The following GRXCR1 variants were observed in gnomAD, a reference collection of about 807,000 sequenced individuals.
GRXCR1 encodes the protein glutaredoxin domain-containing cysteine-rich protein 1.
A neutral mutation model predicts 27.3 loss-of-function variants in GRXCR1; 27 were observed. The ratio of observed to expected loss-of-function variants is 0.99; its 90% CI spans 0.73 to 1.37. The LOEUF is 1.37. Ranked by LOEUF, GRXCR1 falls within the 40% of genes most tolerant of loss-of-function variation. GRXCR1 has a pLI of 0.00. For missense variants in GRXCR1, 379 were observed against 354.4 expected (o/e 1.07, Z -0.56); for synonymous variants, 122 against 131.1 (o/e 0.93, Z 0.47).
intron 1 of GRXCR1, 27 bp from the exon 2 acceptor site, chr4:42,962,865 T>G: frequency 6.2e-7 from 1 of 1,611,926 alleles, no homozygotes; most frequent in Non-Finnish European, 8.5e-7. Context: ...AAGCAAACAT[T>G]CTTACAACTC....
At chr4:42,942,534 A>G (rs999012171) in intron 1 of GRXCR1, among the ~76,000 whole-genome samples, 5 of 152,096 alleles carry the variant, frequency 3.3e-5, no homozygotes, top group African/African-American at 1.2e-4. Flanking sequence ...GGGCACAAAT[A>G]AAATATGCAG....
chr4:43,014,990 A>C (rs1470045516), intron 2 of GRXCR1, among the ~76,000 whole-genome samples: 1 of 152,216 alleles, frequency 6.6e-6, no homozygotes, highest in Non-Finnish European at 1.5e-5. Context: ...GAAAATAAAG[A>C]AAGCTTTATT....
chr4:42,963,035 C>T lies in GRXCR1; in HGVS notation c.528C>T (p.Ala176=), dbSNP rs1236945545. Residue 176 remains alanine (A), a synonymous_variant, in exon 2 of 4, where the codon GCC becomes GCT. Coordinates refer to ENST00000399770, the MANE Select transcript of GRXCR1 (RefSeq NM_001080476.3). ...TAAAATTTGAAGAGAAAAACATAGC[C>T]CTGAATGGTGAATATGGAAAAGAGT... The part of the protein sequence containing the change: ...HRVKFEEKNI[A]LNGEYGKELD... 3 of 1,612,568 alleles carry T rather than the reference C, an allele frequency of 1.9e-6. No individual in the cohort carries two copies. In the African/African-American group the frequency reaches 4.0e-5, roughly 22 times the overall value.
chr4:42,907,648 T>C (rs930530810), intron 1 of GRXCR1, among the ~76,000 whole-genome samples: 1 of 152,180 alleles, frequency 6.6e-6, no homozygotes, highest in Admixed American at 6.5e-5. Context: ...TCCCTGCTCC[T>C]TATATGTAGT....
chr4:42,955,962 A>G (rs929167333), intron 1 of GRXCR1, among the ~76,000 whole-genome samples: 2 of 152,058 alleles, frequency 1.3e-5, no homozygotes, highest in African/African-American at 2.4e-5. Context: ...TCTTGGCCTG[A>G]ATTCCAGGAT....
intron 1 of GRXCR1, among the ~76,000 whole-genome samples, chr4:42,910,286 C>T (rs1284154940): frequency 6.6e-6 from 1 of 152,134 alleles, no homozygotes; most frequent in African/African-American, 2.4e-5. Context: ...GACACAAAGC[C>T]TAAACATAAC....
At chr4:43,003,469 A>G (rs998506686) in intron 2 of GRXCR1, among the ~76,000 whole-genome samples, 2 of 152,178 alleles carry the variant, frequency 1.3e-5, no homozygotes, top group African/African-American at 4.8e-5. Context: ...AGACAGGAAG[A>G]TTAGGGAAAG....
At chr4:42,913,342 G>A (rs924301031) in intron 1 of GRXCR1, among the ~76,000 whole-genome samples, 2 of 152,166 alleles carry the variant, frequency 1.3e-5, no homozygotes, top group Non-Finnish European at 2.9e-5. Context: ...CTGATAGTGA[G>A]ATTGACAATG....
intron 1 of GRXCR1, among the ~76,000 whole-genome samples, chr4:42,937,025 G>A (rs1329983091): frequency 6.6e-6 from 1 of 151,832 alleles, no homozygotes. Context: ...TTTACCAGGT[G>A]AGGAGTTACA....
At chr4:42,964,285 T>C (rs527693173) in intron 2 of GRXCR1, among the ~76,000 whole-genome samples, 1 of 152,174 alleles carries the variant, frequency 6.6e-6, no homozygotes, top group South Asian at 2.1e-4. Flanking sequence ...CTCACAGCTT[T>C]GCATCTGTCA....
At chr4:42,982,260 G>A (rs1395696202) in intron 2 of GRXCR1, among the ~76,000 whole-genome samples, 1 of 135,300 alleles carries the variant, frequency 7.4e-6, no homozygotes, top group Non-Finnish European at 1.5e-5. Context: ...CTGTGTCCAT[G>A]TGATCTCATT....
At chr4:43,013,409 TTATAAGG>T (rs1390015018) in intron 2 of GRXCR1, among the ~76,000 whole-genome samples, 2 of 152,112 alleles carry the variant, frequency 1.3e-5, no homozygotes, top group Non-Finnish European at 2.9e-5. Context: ...ATGTTCTCAT[TTATAAGG>T]GGGAGCTAAA....
intron 2 of GRXCR1, among the ~76,000 whole-genome samples, chr4:43,014,147 A>G (rs941931085): frequency 1.3e-5 from 2 of 151,742 alleles, no homozygotes; most frequent in Non-Finnish European, 2.9e-5. Context: ...TTAGGATGAG[A>G]TTATCCACAG....
chr4:42,991,690 T>C (rs908850087), intron 2 of GRXCR1, among the ~76,000 whole-genome samples: 2 of 152,138 alleles, frequency 1.3e-5, no homozygotes, highest in Non-Finnish European at 1.5e-5. Context: ...CTCTGTGTAA[T>C]TGGTATTGTA....
intron 1 of GRXCR1, among the ~76,000 whole-genome samples, chr4:42,910,643 C>T (rs1746701945): frequency 6.6e-6 from 1 of 152,120 alleles, no homozygotes; most frequent in Non-Finnish European, 1.5e-5. Flanking sequence ...TGGAATTCAG[C>T]ATGAGGCCTG....
intron 1 of GRXCR1, among the ~76,000 whole-genome samples, chr4:42,924,431 C>T (rs1346436991): frequency 1.3e-5 from 2 of 152,030 alleles, no homozygotes; most frequent in Non-Finnish European, 2.9e-5. Context: ...AATTTCATTT[C>T]ACAGATAAGA....
intron 1 of GRXCR1, among the ~76,000 whole-genome samples, chr4:42,927,229 A>T (rs1747180661): frequency 6.6e-6 from 1 of 152,004 alleles, no homozygotes; most frequent in Admixed American, 6.6e-5. Flanking sequence ...AAACTGTTTC[A>T]GCATACTGAG....
chr4:42,956,279 C>T (rs571079426), intron 1 of GRXCR1, among the ~76,000 whole-genome samples: 1 of 152,188 alleles, frequency 6.6e-6, no homozygotes, highest in South Asian at 2.1e-4. Context: ...CTGCAGACCC[C>T]AAAGGCTTCT....
At chr4:42,972,000 G>A (rs918527520) in intron 2 of GRXCR1, among the ~76,000 whole-genome samples, 6 of 152,152 alleles carry the variant, frequency 3.9e-5, no homozygotes, top group African/African-American at 1.2e-4. Context: ...CAGCTCAAGC[G>A]ATCTCCCCAC....
Sources: gnomAD v4.1 joint callset for allele counts (sites outside exome capture counted in the v4.1 genomes callset) on GRCh38, gnomAD v4.1.1 for gene constraint, MANE v1.5 for transcripts, NCBI Gene and HGNC (gene_info 2026-07-23, HGNC 2026-07-21) for gene names.